Variants in BUB1B observed in about 807,000 individuals in gnomAD.
BUB1B encodes the protein BUB1 mitotic checkpoint serine/threonine kinase B, also known as mitotic checkpoint serine/threonine-protein kinase BUB1 beta.
BUB1B carries 86 observed loss-of-function variants against 137.7 expected under a neutral mutation model. The observed-to-expected ratio is 0.62, with a 90% CI of 0.52 to 0.75. BUB1B has a LOEUF of 0.75. BUB1B is among the 30% of genes least tolerant of loss of function. The pLI, the probability that BUB1B is intolerant of heterozygous loss-of-function variation, is 0.00. For synonymous variants in BUB1B, 420 were observed against 417.9 expected, an observed-to-expected ratio of 1.00 and a Z score of -0.06; for missense variants, 1,130 against 1,236.9, an observed-to-expected ratio of 0.91 and a Z score of 1.30.
At chr15:40,162,991 C>T (rs1036657062) in intron 1 of BUB1B, among the ~76,000 whole-genome samples, 2 of 152,100 alleles carry the variant, frequency 1.3e-5, no homozygotes, top group Non-Finnish European at 2.9e-5. Flanking sequence ...CAATTCATTG[C>T]GGGGCTGCTG....
chr15:40,188,900 T>TC (rs2037403129), intron 8 of BUB1B, among the ~76,000 whole-genome samples: 1 of 151,934 alleles, frequency 6.6e-6, no homozygotes, highest in South Asian at 2.1e-4. Context: ...TTTTTTTTCT[T>TC]TTTTTTTCTA....
At chr15:40,165,875 C>G (rs2037090016) in intron 2 of BUB1B, among the ~76,000 whole-genome samples, 1 of 148,846 alleles carries the variant, frequency 6.7e-6, no homozygotes, top group Admixed American at 6.7e-5. Context: ...TTTAATATGA[C>G]AGGGTCTCCC....
At chr15:40,210,016 C>G (rs1371017707) in intron 17 of BUB1B, 94 bp from the exon 18 acceptor site, 1 of 1,084,490 alleles carries the variant, frequency 9.2e-7, no homozygotes, top group Non-Finnish European at 1.4e-6. Context: ...CTGGCAAATA[C>G]ACCAGTGCCT....
chr15:40,216,336 G>T (rs1226419689), intron 20 of BUB1B, among the ~76,000 whole-genome samples: 2 of 151,886 alleles, frequency 1.3e-5, no homozygotes, highest in African/African-American at 2.4e-5. Context: ...TACTCGGGAG[G>T]CTGAGATGGG....
rs761234125 is a variant in BUB1B at position 40,208,669 on chromosome 15, A to G, written c.2042A>G (p.His681Arg). 6.2e-7 allele frequency: 1 copy of G among 1,613,638 alleles called. No homozygotes were observed. The highest frequency in any genetic ancestry group is 1.3e-5 in the African/African-American group (1 of 74,874). The part of the protein sequence containing the change: ...PIIEDSREAT[H>R]SSGFSGSSAS... ...ATTGAAGACAGTCGTGAAGCCACAC[A>G]CTCCTCTGGCTTCTCTGGTTCTTCT... is the stretch of plus-strand genomic sequence containing the variant. The change falls in exon 16 of 23, where the codon CAC becomes CGC. Residue 681 changes from histidine (H) to arginine (R), a missense_variant. By Grantham distance (29) the His-to-Arg change is conservative. Coordinates refer to ENST00000287598, the MANE Select transcript of BUB1B (RefSeq NM_001211.6).
At chr15:40,183,681 C>A in intron 5 of BUB1B, 33 bp from the exon 6 acceptor site, 1 of 1,609,336 alleles carries the variant, frequency 6.2e-7, no homozygotes. Flanking sequence ...ATAGTGGTCA[C>A]CTCACTAAAA....
At chr15:40,200,087 T>C in intron 10 of BUB1B, 157 bp from the exon 11 acceptor site, 2 of 689,420 alleles carry the variant, frequency 2.9e-6, no homozygotes, top group Middle Eastern at 3.6e-4. Context: ...TGGTTTAGAG[T>C]AGGAATAAAA....
intron 2 of BUB1B, chr15:40,166,323 A>G (rs1252990658): frequency 6.9e-6 from 3 of 433,436 alleles, no homozygotes; most frequent in East Asian, 7.4e-5. Context: ...TTGTAGACAT[A>G]ATTTTCTCTC....
At chr15:40,209,560 A>G in intron 16 of BUB1B, 75 bp from the exon 17 acceptor site, 1 of 1,556,788 alleles carries the variant, frequency 6.4e-7, no homozygotes, top group South Asian at 1.1e-5. Context: ...TTTTTCTTCT[A>G]CTCTGTTATA....
chr15:40,163,690 T>G (rs1275810825), intron 1 of BUB1B, among the ~76,000 whole-genome samples: 1 of 152,228 alleles, frequency 6.6e-6, no homozygotes, highest in East Asian at 1.9e-4. Flanking sequence ...TAGCTCACAT[T>G]TATTTCAATA....
Position 40,217,575 on chromosome 15 carries a change from G to T in BUB1B, c.2758G>T (p.Val920Leu). ...VDFSYSVDLR[V>L]QLDVFTLSGF... ...CTTTTCCTACAGTGTTGACCTTAGG[G>T]TGCAGCTGGATGTTTTTACCCTCAG... The change falls in exon 21 of 23, where the codon GTG becomes TTG. Residue 920 changes from valine to leucine, a missense_variant. Coordinates refer to ENST00000287598, the MANE Select transcript of BUB1B (RefSeq NM_001211.6). 1 of 1,614,158 alleles carries T rather than the reference G, an allele frequency of 6.2e-7. No homozygotes were observed. Among genetic ancestry groups the T allele is most frequent in the East Asian group, 2.2e-5 (1 of 44,882 alleles).
chr15:40,166,337 C>CT, intron 2 of BUB1B: 1 of 434,440 alleles, frequency 2.3e-6, no homozygotes, highest in Admixed American at 2.6e-5. Context: ...TTCTCTCTCT[C>CT]TCTTTTTTTT....
At chr15:40,197,626 T>C (rs2037514233) in intron 9 of BUB1B, among the ~76,000 whole-genome samples, 1 of 152,238 alleles carries the variant, frequency 6.6e-6, no homozygotes, top group South Asian at 2.1e-4. Flanking sequence ...ATGTGGTGTT[T>C]GTGGGGTTAG....
intron 22 of BUB1B, among the ~76,000 whole-genome samples, chr15:40,219,817 T>A (rs1233878165): frequency 4.0e-5 from 6 of 151,882 alleles, no homozygotes; most frequent in Admixed American, 3.9e-4. Flanking sequence ...AAAAAAAAAA[T>A]GAGTGTTGAA....
chr15:40,184,462 A>G (rs2037334994), intron 6 of BUB1B, among the ~76,000 whole-genome samples: 1 of 152,176 alleles, frequency 6.6e-6, no homozygotes, highest in Admixed American at 6.5e-5. Flanking sequence ...GAGCCACTGC[A>G]TCTGGACAAC....
chr15:40,219,772 C>T (rs1384522307), intron 22 of BUB1B, among the ~76,000 whole-genome samples: 1 of 151,962 alleles, frequency 6.6e-6, no homozygotes, highest in African/African-American at 2.4e-5. Flanking sequence ...CAAATAAGTT[C>T]CCAGCCTGTC....
At chr15:40,216,918 GA>G (rs1396842073) in intron 20 of BUB1B, among the ~76,000 whole-genome samples, 2 of 151,908 alleles carry the variant, frequency 1.3e-5, no homozygotes, top group Admixed American at 6.6e-5. Context: ...GTATTATAAA[GA>G]TTTTTTTAGT....
At chr15:40,190,446 T>C (rs923537114) in intron 8 of BUB1B, among the ~76,000 whole-genome samples, 1 of 151,940 alleles carries the variant, frequency 6.6e-6, no homozygotes. Flanking sequence ...ACCCCATCTC[T>C]ACTAAAAATA....
chr15:40,202,288 A>G, intron 12 of BUB1B, 117 bp from the exon 13 acceptor site: 1 of 869,372 alleles, frequency 1.2e-6, no homozygotes, highest in Non-Finnish European at 1.8e-6. Flanking sequence ...TTTGTTATTA[A>G]AAAAACAGGT....
Sources: gnomAD v4.1 joint callset for allele counts (sites outside exome capture counted in the v4.1 genomes callset) on GRCh38, gnomAD v4.1.1 for gene constraint, MANE v1.5 for transcripts, NCBI Gene and HGNC (gene_info 2026-07-23, HGNC 2026-07-21) for gene names.